The following LRRC53 variants were observed in gnomAD, a reference collection of about 807,000 sequenced individuals.
The protein encoded by LRRC53 is leucine rich repeat containing 53.
Under a neutral mutation model 13.6 loss-of-function variants are expected in LRRC53, and 25 were observed. The observed-to-expected ratio is 1.83, with a 90% CI of 1.34 to 2.56. LRRC53 has a LOEUF of 2.56. Among genes scored for constraint, LRRC53 ranks in the 30% most tolerant of loss-of-function variants. LRRC53 has a pLI of 0.00. For synonymous variants in LRRC53, 204 were observed against 109.8 expected (o/e 1.86, Z -5.37); for missense variants, 527 against 275.8 (o/e 1.91, Z -6.45).
intron 1 of LRRC53, among the ~76,000 whole-genome samples, chr1:74,508,028 A>G (rs766503916): frequency 1.3e-5 from 2 of 152,198 alleles, no homozygotes; most frequent in Non-Finnish European, 2.9e-5. Context: ...ATGTATTATA[A>G]TGCAATGTGA....
chr1:74,496,174 C>G (rs956072331), intron 1 of LRRC53, among the ~76,000 whole-genome samples: 3 of 152,092 alleles, frequency 2.0e-5, no homozygotes, highest in African/African-American at 7.2e-5. Flanking sequence ...AAGAAACATG[C>G]TGAAAGAGAA....
chr1:74,479,341 G>T (rs1668361973), intron 3 of LRRC53, among the ~76,000 whole-genome samples: 2 of 152,160 alleles, frequency 1.3e-5, no homozygotes, highest in African/African-American at 4.8e-5. Flanking sequence ...TGTAATGATA[G>T]CTGATGCATA....
At chr1:74,518,008 A>T in the LRRC53 span, among the ~76,000 whole-genome samples, 1 of 152,186 alleles carries the variant, frequency 6.6e-6, no homozygotes, top group Admixed American at 6.5e-5. Context: ...GTGGGAAGTC[A>T]TTCAAAGTTT....
Position 74,475,757 on chromosome 1 carries a change from G to C in LRRC53, c.958C>G (p.Gln320Glu). 1 of 644,720 alleles carries C rather than the reference G, an allele frequency of 1.6e-6. No homozygotes were observed. 39.9% of individuals were successfully genotyped at this position (644,720 alleles called of 1,614,324 possible). A position where few individuals can be genotyped will look rare whatever the true frequency, so the allele number is the denominator to read the frequency against. The change falls in exon 4 of 5, where the codon CAA becomes GAA. Residue 320 changes from glutamine to glutamate, a missense_variant. By Grantham distance (29) the Gln-to-Glu change is conservative (BLOSUM62 2). Coordinates refer to ENST00000294635, the MANE Select transcript of LRRC53 (RefSeq NM_001382280.1). ...GLVVFNWKLH[Q>E]GKANEHTSEN... Reference sequence around the variant, plus strand: ...GATGTGTGTTCATTTGCTTTGCCTTGGTGGAGTTTCCAGTTAAATACAACT... The same window carrying C: ...GATGTGTGTTCATTTGCTTTGCCTTCGTGGAGTTTCCAGTTAAATACAACT...
chr1:74,522,228 G>C, the LRRC53 span, among the ~76,000 whole-genome samples: 1 of 152,180 alleles, frequency 6.6e-6, no homozygotes, highest in Non-Finnish European at 1.5e-5. Context: ...AGACTCAGGG[G>C]CTTCAAAGAG....
chr1:74,525,002 G>C, the LRRC53 span, among the ~76,000 whole-genome samples: 2 of 152,154 alleles, frequency 1.3e-5, no homozygotes, highest in Non-Finnish European at 2.9e-5. Flanking sequence ...CAATTATATA[G>C]TAAGTATTTT....
intron 1 of LRRC53, among the ~76,000 whole-genome samples, chr1:74,506,614 G>A (rs1490251500): frequency 1.3e-5 from 2 of 152,132 alleles, no homozygotes; most frequent in Non-Finnish European, 2.9e-5. Context: ...CAGCAGCTCT[G>A]GCATCACCTA....
chr1:74,482,923 T>C (rs1668576463), intron 2 of LRRC53, among the ~76,000 whole-genome samples: 1 of 152,228 alleles, frequency 6.6e-6, no homozygotes, highest in South Asian at 2.1e-4. Context: ...TTCATTGATA[T>C]TTCTTCCAGC....
intron 3 of LRRC53, among the ~76,000 whole-genome samples, chr1:74,478,187 A>G (rs1668299347): frequency 6.6e-6 from 1 of 152,198 alleles, no homozygotes; most frequent in South Asian, 2.1e-4. Flanking sequence ...TTAATGGAGC[A>G]AATTAACATC....
chr1:74,532,257 C>A, the LRRC53 span, among the ~76,000 whole-genome samples: 1 of 152,134 alleles, frequency 6.6e-6, no homozygotes, highest in Non-Finnish European at 1.5e-5. Flanking sequence ...AGGAAAGTAT[C>A]ATTTTTTTAA....
Position 74,478,927 on chromosome 1 carries a change from TCCTA to T in LRRC53, c.904+1222_904+1225del, listed in dbSNP as rs202225448. Among the ~76,000 whole-genome samples, 915 of 152,348 alleles carry T rather than the reference TCCTA, an allele frequency of 6.0e-3. 10 individuals are homozygous for T. The highest frequency in any genetic ancestry group is 0.02 in the African/African-American group (852 of 41,586). On this transcript the variant is annotated intron_variant, in intron 3 of 4. Coordinates refer to ENST00000294635, the MANE Select transcript of LRRC53 (RefSeq NM_001382280.1). ...ACATGGTTTTTAAAAGAATTTATTT[TCCTA>T]ACATTTGAATTTCCTTCCAAGTGAG...
Position 74,470,076 on chromosome 1 carries a change from T to C in LRRC53, c.3546A>G (p.Ala1182=). 5.0e-6 allele frequency: 2 copies of C among 400,738 alleles called. No individual in the cohort carries two copies. Among genetic ancestry groups the C allele is most frequent in the Non-Finnish European group, 8.8e-6 (2 of 226,168 alleles). The allele number at this position is 400,738 out of a possible 1,614,324, so 24.8% of individuals were successfully genotyped here. A position where few individuals can be genotyped will look rare whatever the true frequency, so the allele number is the denominator to read the frequency against. Residue 1182 remains alanine, a synonymous_variant, in exon 5 of 5, where the codon GCA becomes GCG. Coordinates refer to ENST00000294635, the MANE Select transcript of LRRC53 (RefSeq NM_001382280.1). ...CCACTGTCATTGCGCCTTCTTTATG[T>C]GCACTATCTTTATCTGGTTGAATAT... ...VQNIQPDKDS[A]HKEGAMTVET...
At chr1:74,482,390 A>T (rs982145457) in intron 2 of LRRC53, among the ~76,000 whole-genome samples, 1 of 152,232 alleles carries the variant, frequency 6.6e-6, no homozygotes, top group Non-Finnish European at 1.5e-5. Flanking sequence ...ACTGTCTCTG[A>T]TCAGGAAAAA....
chr1:74,491,952 T>C, intron 1 of LRRC53: 1 of 1,271,696 alleles, frequency 7.9e-7, no homozygotes, highest in Non-Finnish European at 1.0e-6. Context: ...GACTTTTTCC[T>C]GAAAGGAAAA....
rs953332528 is a variant in LRRC53 at position 74,487,726 on chromosome 1, A to T, written c.-26-4351T>A. ...GGCAGATGGGTAGGTAGGTAGAAAG[A>T]AGAGCATCTACTTTAGGACATATTT... On this transcript the variant is annotated intron_variant, in intron 1 of 4. Transcript: ENST00000294635. Among the ~76,000 whole-genome samples the T allele has an allele frequency of 1.2e-4, 18 of 152,318 alleles. 1 individual carries two copies. Among genetic ancestry groups the T allele is most frequent in the Admixed American group, 5.2e-4 (8 of 15,286 alleles).
At chr1:74,523,327 A>G in the LRRC53 span, among the ~76,000 whole-genome samples, 4 of 152,228 alleles carry the variant, frequency 2.6e-5, no homozygotes, top group Admixed American at 2.6e-4. Context: ...GTATCATCAA[A>G]TTTTGAGCAT....
chr1:74,514,874 G>A (rs1646326904), upstream of LRRC53, among the ~76,000 whole-genome samples: 1 of 152,182 alleles, frequency 6.6e-6, no homozygotes, highest in Non-Finnish European at 1.5e-5. Flanking sequence ...TGTTGCAGAT[G>A]TGAGAAGTTC....
chr1:74,503,259 A>G (rs890690762), intron 1 of LRRC53, among the ~76,000 whole-genome samples: 13 of 152,242 alleles, frequency 8.5e-5, no homozygotes, highest in Non-Finnish European at 1.5e-4. Context: ...ATAGGGAATC[A>G]GCATCTTTTA....
chr1:74,524,665 A>G, the LRRC53 span, among the ~76,000 whole-genome samples: 1 of 50,206 alleles, frequency 2.0e-5, no homozygotes, highest in African/African-American at 3.0e-5. Flanking sequence ...TTCTGGAGAT[A>G]CAGCAGCAAA....
Sources: allele counts gnomAD v4.1 joint callset (sites outside exome capture counted in the v4.1 genomes callset), GRCh38; gene constraint gnomAD v4.1.1; transcripts MANE v1.5; gene names NCBI Gene and HGNC (gene_info 2026-07-23, HGNC 2026-07-21).